The following ABCA10 variants were observed in gnomAD, a reference collection of about 807,000 sequenced individuals.
ABCA10 encodes ATP-binding cassette sub-family A member 10.
In ABCA10, 169 loss-of-function variants were observed where a neutral mutation model predicts 187.5. The ratio of observed to expected loss-of-function variants is 0.90; its 90% CI spans 0.80 to 1.02. The LOEUF is 1.02. ABCA10 is among the 50% of genes least tolerant of loss of function. The probability of loss-of-function intolerance (pLI) is 0.00; values close to 1 mark genes in which losing one functional copy is unlikely to be tolerated. For missense variants in ABCA10, 1,727 were observed against 1,812.4 expected (o/e 0.95, Z 0.86); for synonymous variants, 574 against 601.8 (o/e 0.95, Z 0.68).
intron 2 of ABCA10, 146 bp from the exon 3 acceptor site, chr17:69,225,675 C>T (rs1389519084): frequency 3.1e-6 from 1 of 323,556 alleles, no homozygotes; most frequent in Admixed American, 4.8e-5. Context: ...AAATTAATAT[C>T]TACCTTTTAA....
rs1167624016 is a variant in ABCA10 at position 69,185,590 on chromosome 17, T to C, written c.2384A>G (p.Tyr795Cys). The change falls in exon 20 of 39, where the codon TAT (tyrosine) becomes TGT (cysteine). Residue 795 changes from tyrosine (Y) to cysteine (C), a missense_variant. Tyr to Cys is a radical substitution (Grantham distance 194). Transcript: ENST00000690296. The stretch of plus-strand genomic sequence containing the variant: ...ACAATGAGTTTCACGAGTTACTTTA[T>C]ACATTATCTTCTCTAGAATGATGGG... ...FIPIILEKIMYKVTRETHCWE... is the reference protein window; with the variant it reads ...FIPIILEKIMCKVTRETHCWE... The C allele has an allele frequency of 1.9e-6, 3 of 1,612,908 alleles. No homozygotes were observed. The highest frequency in any genetic ancestry group is 1.7e-5 in the Admixed American group (1 of 59,984).
At chr17:69,210,664 T>C (rs1203440163) in intron 9 of ABCA10, among the ~76,000 whole-genome samples, 4 of 151,368 alleles carry the variant, frequency 2.6e-5, no homozygotes, top group Middle Eastern at 3.2e-3. Flanking sequence ...CAAGAGCATA[T>C]GATGTTTCGT....
rs528317321 is a variant in ABCA10, at chr17:69,183,597, C to G, written c.2498-789G>C. 2.1e-3 allele frequency among the ~76,000 whole-genome samples: 323 copies of G among 152,206 alleles called. 1 individual carries two copies. Among genetic ancestry groups the G allele is most frequent in the Non-Finnish European group, 3.1e-3 (209 of 68,018 alleles). ...CAAACACACATCCTCACTGGGGAAT[C>G]CGAAGGTTGAGATCACGGGAGGATT... On this transcript the variant is annotated intron_variant, in intron 20 of 38. Coordinates refer to ENST00000690296, the MANE Select transcript of ABCA10 (RefSeq NM_001377321.1).
intron 37 of ABCA10, 35 bp from the exon 38 acceptor site, chr17:69,149,123 T>C (rs373565039): frequency 6.2e-7 from 1 of 1,610,578 alleles, no homozygotes; most frequent in African/African-American, 1.3e-5. Context: ...GTGGCTTATA[T>C]ATTTTTCACC....
chr17:69,193,549 T>C lies in ABCA10; in HGVS notation c.1585A>G (p.Ser529Gly), dbSNP rs774300123. 55 of 1,613,388 alleles carry C rather than the reference T, an allele frequency of 3.4e-5. No individual in the cohort carries two copies. The highest frequency in any genetic ancestry group is 4.3e-5 in the Non-Finnish European group (51 of 1,179,620). ...SIQDIIAKKL[S>G]GGQKRKLTLG... ...GTTAGTTTTCTCTTCTGCCCACCAC[T>C]TAATTTTTTAGCAATAATGTCTTGA... is the stretch of plus-strand genomic sequence containing the variant. Residue 529 changes from serine (S) to glycine (G), a missense_variant, in exon 14 of 39, where the codon AGT becomes GGT. Transcript: ENST00000690296.
chr17:69,166,172 T>C (rs1309062586), intron 25 of ABCA10, among the ~76,000 whole-genome samples: 3 of 152,142 alleles, frequency 2.0e-5, no homozygotes, highest in Non-Finnish European at 4.4e-5. Flanking sequence ...CATCTTATTC[T>C]CAAGCAAATG....
chr17:69,235,920 A>T (rs2074866956), intron 1 of ABCA10, among the ~76,000 whole-genome samples: 1 of 152,224 alleles, frequency 6.6e-6, no homozygotes, highest in South Asian at 2.1e-4. Context: ...TAAATTGTAC[A>T]TTGTAAATTC....
chr17:69,237,948 G>A (rs1275391067), intron 1 of ABCA10, among the ~76,000 whole-genome samples: 7 of 152,072 alleles, frequency 4.6e-5, no homozygotes, highest in Admixed American at 3.9e-4. Flanking sequence ...GGATTATGAG[G>A]TCAGGAGTTT....
intron 3 of ABCA10, chr17:69,223,852 T>A: frequency 3.7e-6 from 1 of 270,488 alleles, no homozygotes; most frequent in South Asian, 3.2e-5. Context: ...AGATATTTTA[T>A]ATAAGAAAGA....
intron 6 of ABCA10, among the ~76,000 whole-genome samples, chr17:69,216,686 A>G (rs920165811): frequency 1.3e-5 from 2 of 152,096 alleles, no homozygotes; most frequent in African/African-American, 4.8e-5. Context: ...TATATTTAAT[A>G]TAATTAAATA....
chr17:69,204,942 A>T (rs1371040203), intron 9 of ABCA10, among the ~76,000 whole-genome samples: 1 of 152,192 alleles, frequency 6.6e-6, no homozygotes, highest in Non-Finnish European at 1.5e-5. Flanking sequence ...CAGCCTGGAT[A>T]ACATGGCAAA....
intron 1 of ABCA10, among the ~76,000 whole-genome samples, chr17:69,242,775 CGTT>C (rs1785456025): frequency 2.0e-5 from 3 of 152,092 alleles, no homozygotes; most frequent in Admixed American, 2.0e-4. Context: ...TAATTAAGCA[CGTT>C]ATACTATAGT....
intron 1 of ABCA10, among the ~76,000 whole-genome samples, chr17:69,241,911 T>C (rs1254935321): frequency 6.6e-6 from 1 of 152,192 alleles, no homozygotes; most frequent in Non-Finnish European, 1.5e-5. Flanking sequence ...CAGTCTTTCT[T>C]TGAAACTTAA....
At chr17:69,167,356 A>C (rs1228273117) in intron 25 of ABCA10, among the ~76,000 whole-genome samples, 1 of 152,224 alleles carries the variant, frequency 6.6e-6, no homozygotes, top group Non-Finnish European at 1.5e-5. Flanking sequence ...ACATCATGAA[A>C]GTCTGGAAGG....
rs750141181 is a variant in ABCA10, at chr17:69,193,573, G to A, written c.1561C>T (p.Gln521Ter). 1.2e-6 allele frequency: 2 copies of A among 1,611,254 alleles called. No individual in the cohort carries two copies. Among genetic ancestry groups the A allele is most frequent in the Non-Finnish European group, 1.7e-6 (2 of 1,178,038 alleles). Residue 521 changes from glutamine to a stop codon, truncating the protein, a stop_gained, in exon 14 of 39, where the codon CAA becomes TAA. Transcript: ENST00000690296. LOFTEE classifies it high-confidence loss of function. ...IIMELDMQSI[Q>*]DIIAKKLSGG... ...CTTAATTTTTTAGCAATAATGTCTT[G>A]AATGCTTTGCATGTCTAATTCCATT...
intron 22 of ABCA10, among the ~76,000 whole-genome samples, chr17:69,180,071 T>C (rs2074367636): frequency 6.6e-6 from 1 of 152,222 alleles, no homozygotes; most frequent in African/African-American, 2.4e-5. Flanking sequence ...GGTTGTGCGA[T>C]ACATTAAACA....
rs567084268 is a variant in ABCA10, at chr17:69,200,625, C to T, written c.1175+875G>A. 7.9e-5 allele frequency among the ~76,000 whole-genome samples: 12 copies of T among 152,284 alleles called. No individual in the cohort carries two copies. The East Asian group carries it at 1.9e-3, about 24-fold the overall frequency. On this transcript the variant is annotated intron_variant, in intron 10 of 38. Coordinates refer to ENST00000690296, the MANE Select transcript of ABCA10 (RefSeq NM_001377321.1). Reference sequence around the variant, plus strand: ...TTTGAATATACAACTAACATTTATGCAGTTTCTATTATGTAACAGGCATAT... The same window carrying T: ...TTTGAATATACAACTAACATTTATGTAGTTTCTATTATGTAACAGGCATAT...
At chr17:69,208,709 G>A (rs2074612006) in intron 9 of ABCA10, among the ~76,000 whole-genome samples, 1 of 152,076 alleles carries the variant, frequency 6.6e-6, no homozygotes, top group Non-Finnish European at 1.5e-5. Flanking sequence ...AGAAAGTAGA[G>A]TAGAGCCTAA....
At chr17:69,181,419 C>A (rs2144788817) in intron 22 of ABCA10, among the ~76,000 whole-genome samples, 1 of 152,034 alleles carries the variant, frequency 6.6e-6, no homozygotes, top group South Asian at 2.1e-4. Context: ...TTAAATTTTG[C>A]AGTGTCCTTT....
Sources: allele counts gnomAD v4.1 joint callset (sites outside exome capture counted in the v4.1 genomes callset), GRCh38; gene constraint gnomAD v4.1.1; transcripts MANE v1.5; gene names NCBI Gene and HGNC (gene_info 2026-07-23, HGNC 2026-07-21).